Variants in DICER1 observed in about 807,000 individuals in gnomAD.
DICER1 encodes the protein dicer 1, ribonuclease III.
A neutral mutation model predicts 194.1 loss-of-function variants in DICER1; 43 were observed. The ratio of observed to expected loss-of-function variants is 0.22; its 90% CI spans 0.17 to 0.29. The LOEUF (loss-of-function observed/expected upper bound fraction) is 0.29, where lower values mean the gene tolerates loss of function less well. Ranked by LOEUF, DICER1 falls within the 10% of genes least tolerant of loss-of-function variation. The pLI is 1.00. For synonymous variants in DICER1, 832 were observed against 820.5 expected (o/e 1.01, Z -0.24); for missense variants, 1,608 against 2,317.0 (o/e 0.69, Z 6.28).
In DICER1 at chr14:95,115,664, T is replaced by A. The variant is rs759764582; in HGVS notation, c.1907+3A>T. ...TTTCCACACAAATGATATGATGCCATACCTATTGATGTGTCCAATGGCCGT... is the reference window on the plus strand; with the variant it reads ...TTTCCACACAAATGATATGATGCCAAACCTATTGATGTGTCCAATGGCCGT... On this transcript the variant is annotated splice_donor_region_variant and intron_variant, in intron 11 of 26. Transcript: ENST00000343455. The A allele has an allele frequency of 6.2e-7, 1 of 1,614,104 alleles. No individual in the cohort carries two copies. Among genetic ancestry groups the A allele is most frequent in the African/African-American group, 1.3e-5 (1 of 75,028 alleles).
chr14:95,096,442 G>A lies in DICER1; in HGVS notation c.4478C>T (p.Pro1493Leu), dbSNP rs1595341247. ...AAAATCCTCAAAATCTGATGAAAATGGCATACTACCTAAGGAGGATTTTTT... is the reference window on the plus strand; with the variant it reads ...AAAATCCTCAAAATCTGATGAAAATAGCATACTACCTAAGGAGGATTTTTT... ...MPKKSSLGSM[P>L]FSSDFEDFDY... Residue 1493 changes from proline to leucine, a missense_variant, in exon 23 of 27, where the codon CCA (proline) becomes CTA (leucine). Coordinates refer to ENST00000343455, the MANE Select transcript of DICER1 (RefSeq NM_177438.3). 1 of 1,614,172 alleles carries A rather than the reference G, an allele frequency of 6.2e-7. No homozygotes were observed. The highest frequency in any genetic ancestry group is 8.5e-7 in the Non-Finnish European group (1 of 1,180,028).
Position 95,089,744 on chromosome 14 carries a change from C to T in DICER1, c.*754G>A, listed in dbSNP as rs886050938. 21 of 231,814 alleles carry T rather than the reference C, an allele frequency of 9.1e-5. No homozygotes were observed. The highest frequency in any genetic ancestry group is 2.4e-4 in the African/African-American group (11 of 45,326). 14.4% of individuals were successfully genotyped at this position (231,814 alleles called of 1,614,324 possible). ...AGTTGTAAGTATCACGCTGTCTCAA[C>T]GTCTAATGCATAATAAAATGAAAGG... On this transcript the variant is annotated 3_prime_UTR_variant, in exon 27 of 27. Transcript: ENST00000343455.
intron 1 of DICER1, among the ~76,000 whole-genome samples, chr14:95,144,671 T>C (rs117227971): frequency 0.02 from 3,104 of 152,250 alleles, 46 homozygotes; most frequent in South Asian, 0.042. Context: ...ATATAATGCA[T>C]AGAAGATTTT....
At chr14:95,128,839 A>G (rs1462227872) in intron 6 of DICER1, among the ~76,000 whole-genome samples, 1 of 152,234 alleles carries the variant, frequency 6.6e-6, no homozygotes, top group African/African-American at 2.4e-5. Context: ...ATCTAGTAAG[A>G]ATGGAAGGCT....
At chr14:95,130,252 T>A in intron 4 of DICER1, 60 bp from the exon 5 acceptor site, 4 of 1,522,436 alleles carry the variant, frequency 2.6e-6, no homozygotes. Context: ...TATACTTACA[T>A]AAAATCAGAT....
Position 95,089,103 on chromosome 14 carries a change from G to A in DICER1, c.*1395C>T, listed in dbSNP as rs1181773370. On this transcript the variant is annotated 3_prime_UTR_variant, in exon 27 of 27. Transcript: ENST00000343455. Reference sequence around the variant, plus strand: ...TAATACATAAACATAGCACCAAACAGGGGAAAAATGCATGCAAAAGAAAAG... The same window carrying A: ...TAATACATAAACATAGCACCAAACAAGGGAAAAATGCATGCAAAAGAAAAG... The A allele has an allele frequency of 4.3e-6, 1 of 231,848 alleles. No homozygotes were observed. The allele number at this position is 231,848 out of a possible 1,614,324, so 14.4% of individuals were successfully genotyped here. A position where few individuals can be genotyped will look rare whatever the true frequency, so the allele number is the denominator to read the frequency against.
At position 95,087,330 on chromosome 14, in the gene DICER1, TAAAAGAA is replaced by T. The variant is rs1378828060; in HGVS notation, c.*3161_*3167del. 1 of 233,038 alleles carries T rather than the reference TAAAAGAA, an allele frequency of 4.3e-6. No individual in the cohort carries two copies. The highest frequency in any genetic ancestry group is 8.5e-6 in the Non-Finnish European group (1 of 117,826). The allele number at this position is 233,038 out of a possible 1,614,324, so 14.4% of individuals were successfully genotyped here. On this transcript the variant is annotated 3_prime_UTR_variant, in exon 27 of 27. Coordinates refer to ENST00000343455, the MANE Select transcript of DICER1 (RefSeq NM_177438.3). ...CTAAATTTCATCACTTCACGTAATA[TAAAAGAA>T]AAAAGAAAAGAAATATAACAAACAT...
chr14:95,115,917 ATCTC>A (rs777824421), intron 10 of DICER1, 96 bp from the exon 11 acceptor site: 20 of 1,231,520 alleles, frequency 1.6e-5, no homozygotes, highest in South Asian at 7.5e-5. Flanking sequence ...TCCTGAAAAT[ATCTC>A]TCTCTCTCCT....
At chr14:95,157,982 T>G (rs749930122), upstream of DICER1, 4 of 152,194 alleles carry the variant, frequency 2.6e-5, no homozygotes, top group Admixed American at 2.0e-4. Context: ...GCCTCCGCAT[T>G]TGGGGAAATA....
chr14:95,109,941 A>C (rs961264532), intron 14 of DICER1, among the ~76,000 whole-genome samples: 7 of 152,222 alleles, frequency 4.6e-5, no homozygotes, highest in African/African-American at 1.4e-4. Context: ...ACTGTGCCTA[A>C]TTTATATCTT....
At chr14:95,136,375 CTTTTTTTCT>C (rs1196275202) in intron 1 of DICER1, among the ~76,000 whole-genome samples, 1 of 152,034 alleles carries the variant, frequency 6.6e-6, no homozygotes, top group Non-Finnish European at 1.5e-5. Context: ...GATCCAGTTT[CTTTTTTTCT>C]TTTTTTTCAC....
intron 14 of DICER1, 57 bp downstream of exon 14, chr14:95,111,260 T>C (rs1297724777): frequency 1.9e-6 from 3 of 1,607,242 alleles, no homozygotes; most frequent in Middle Eastern, 1.7e-4. Context: ...AGATTTGATG[T>C]AGCGGAAAAC....
At chr14:95,141,837 T>C (rs1328405573) in intron 1 of DICER1, 1 of 152,208 alleles carries the variant, frequency 6.6e-6, no homozygotes, top group Admixed American at 6.5e-5. Context: ...AGATCCCTCA[T>C]AAAATTCTTT....
At chr14:95,142,333 A>G (rs1894872898) in intron 1 of DICER1, among the ~76,000 whole-genome samples, 1 of 152,120 alleles carries the variant, frequency 6.6e-6, no homozygotes, top group African/African-American at 2.4e-5. Context: ...GAGCCACTGC[A>G]ACCAGCCAAA....
chr14:95,120,827 A>G (rs1892877504), intron 8 of DICER1, among the ~76,000 whole-genome samples: 2 of 152,334 alleles, frequency 1.3e-5, no homozygotes, highest in East Asian at 1.9e-4. Context: ...CTTACAGAAG[A>G]ATTCCAAATA....
intron 17 of DICER1, among the ~76,000 whole-genome samples, chr14:95,106,499 T>A (rs935715930): frequency 6.6e-6 from 1 of 152,116 alleles, no homozygotes; most frequent in Non-Finnish European, 1.5e-5. Flanking sequence ...CCTTTACATA[T>A]CTATTTCATC....
In DICER1 at chr14:95,086,488, T is replaced by G. The variant is rs1390141223; in HGVS notation, c.*4010A>C. Reference sequence around the variant, plus strand: ...ATTTACAGCAGAAAAGCCAGAAATTTACTTCCTGTTCACCTTTGCATTTTT... The same window carrying G: ...ATTTACAGCAGAAAAGCCAGAAATTGACTTCCTGTTCACCTTTGCATTTTT... On this transcript the variant is annotated 3_prime_UTR_variant, in exon 27 of 27. Coordinates refer to ENST00000343455, the MANE Select transcript of DICER1 (RefSeq NM_177438.3). 1.3e-5 allele frequency: 3 copies of G among 233,302 alleles called. No homozygotes were observed. The highest frequency in any genetic ancestry group is 2.5e-5 in the Non-Finnish European group (3 of 117,906). 14.5% of individuals were successfully genotyped at this position (233,302 alleles called of 1,614,324 possible).
Position 95,105,093 on chromosome 14 carries a change from T to C in DICER1, c.3247A>G (p.Arg1083Gly), listed in dbSNP as rs1891291831. ...TACCTAAAATCCGCAGGAAGTGATC[T>C]GACTCCCACGCCAGCATCGCTGGCA... ...QTASDAGVGV[R>G]SLPADFRYPN... The change falls in exon 20 of 27, where the codon AGA becomes GGA. Residue 1083 changes from arginine to glycine, a missense_variant. By Grantham distance (125) the Arg-to-Gly change is moderately radical. This residue lies in a region of DICER1 where 79 missense variants were observed against 176.1 expected (regional missense o/e 0.45). Coordinates refer to ENST00000343455, the MANE Select transcript of DICER1 (RefSeq NM_177438.3). The surrounding 1 kb of genome is among the most constrained non-coding windows in gnomAD (Gnocchi z 4.9). The C allele has an allele frequency of 1.2e-6, 2 of 1,614,078 alleles. No homozygotes were observed. Among genetic ancestry groups the C allele is most frequent in the African/African-American group, 1.3e-5 (1 of 74,952 alleles).
intron 21 of DICER1, among the ~76,000 whole-genome samples, chr14:95,100,403 G>C (rs998876962): frequency 2.6e-5 from 4 of 152,134 alleles, no homozygotes; most frequent in Non-Finnish European, 5.9e-5. Context: ...AACTGGCACC[G>C]AACAAAACTG....
Sources: allele counts gnomAD v4.1 joint callset (sites outside exome capture counted in the v4.1 genomes callset), GRCh38; gene constraint gnomAD v4.1.1; regional missense constraint gnomAD v4.1.1; non-coding constraint Gnocchi (gnomAD v3.1); transcripts MANE v1.5; gene names NCBI Gene and HGNC (gene_info 2026-07-23, HGNC 2026-07-21).